Variants in TACC2 observed in about 807,000 individuals in gnomAD.
The protein encoded by TACC2 is transforming acidic coiled-coil-containing protein 2.
Under a neutral mutation model 227.3 loss-of-function variants are expected in TACC2, and 137 were observed. That is an observed-to-expected ratio of 0.60 (90% CI 0.52 to 0.69). The LOEUF (loss-of-function observed/expected upper bound fraction) is 0.69. TACC2 is among the 30% of genes least tolerant of loss of function. TACC2 has a pLI of 0.00. For missense variants in TACC2, 3,470 were observed against 3,694.4 expected, an observed-to-expected ratio of 0.94 and a Z score of 1.57; for synonymous variants, 1,523 against 1,487.5, an observed-to-expected ratio of 1.02 and a Z score of -0.55.
chr10:122,075,991 G>C (rs1338213530), intron 3 of TACC2, among the ~76,000 whole-genome samples: 1 of 151,948 alleles, frequency 6.6e-6, no homozygotes, highest in African/African-American at 2.4e-5. Context: ...GTAGAGACAG[G>C]GTTTCACCAT....
intron 3 of TACC2, among the ~76,000 whole-genome samples, chr10:122,080,215 T>G (rs1399543454): frequency 2.0e-4 from 3 of 15,344 alleles, no homozygotes; most frequent in African/African-American, 5.1e-4. Context: ...CCTTTCCTTT[T>G]TTTTTTTTTG....
At position 122,216,728 on chromosome 10, in the gene TACC2, G is replaced by A. The variant is rs767565546; in HGVS notation, c.7446G>A (p.Thr2482=). 12 of 1,614,022 alleles carry A rather than the reference G, an allele frequency of 7.4e-6. No individual in the cohort carries two copies. Among genetic ancestry groups the A allele is most frequent in the South Asian group, 5.5e-5 (5 of 91,072 alleles). ...EKLAVTNQKW[T]CMTVDLEADK... ...TGGCGGTCACCAACCAGAAGTGGAC[G>A]TGCATGACAGTGGACCTAGAGGCTG... Residue 2482 remains threonine, a synonymous_variant, in exon 11 of 23, where the codon ACG becomes ACA. Coordinates refer to ENST00000369005, the MANE Select transcript of TACC2 (RefSeq NM_206862.4).
chr10:122,197,874 C>A (rs1437893664), intron 8 of TACC2, among the ~76,000 whole-genome samples: 5 of 152,194 alleles, frequency 3.3e-5, no homozygotes, highest in Admixed American at 3.3e-4. Context: ...ATTCTGTAGA[C>A]CAGCATGGGG....
At chr10:122,200,016 G>A (rs1369546640) in intron 8 of TACC2, among the ~76,000 whole-genome samples, 3 of 152,212 alleles carry the variant, frequency 2.0e-5, no homozygotes, top group Admixed American at 6.5e-5. Flanking sequence ...TAGGAATTTC[G>A]GGGACACACA....
intron 8 of TACC2, among the ~76,000 whole-genome samples, chr10:122,201,513 A>G (rs1007903148): frequency 3.3e-5 from 5 of 152,220 alleles, no homozygotes; most frequent in African/African-American, 1.2e-4. Context: ...CTGTGTTCAT[A>G]TGGGGAGGAC....
chr10:122,203,965 G>A (rs1321510259), intron 8 of TACC2, among the ~76,000 whole-genome samples: 2 of 151,696 alleles, frequency 1.3e-5, no homozygotes, highest in East Asian at 2.0e-4. Context: ...AGACCAGCCC[G>A]GCCAACACAG....
chr10:122,210,409 A>T lies in TACC2; in HGVS notation c.5984A>T (p.Glu1995Val). ...TGTGTTTCCCCAGGATGTGGTTCTG[A>T]GACAGTCCCTGTCCCTGATGGCCCA... The part of the protein sequence containing the change: ...PPPEEPGCGS[E>V]TVPVPDGPRS... Residue 1995 changes from glutamate to valine, a missense_variant, in exon 9 of 23, where the codon GAG becomes GTG. Coordinates refer to ENST00000369005, the MANE Select transcript of TACC2 (RefSeq NM_206862.4). This position sits in a 1 kb window ranked among gnomAD's most constrained non-coding sequence, Gnocchi z 4.6. The T allele has an allele frequency of 6.2e-7, 1 of 1,613,758 alleles. No individual in the cohort carries two copies. The highest frequency in any genetic ancestry group is 8.5e-7 in the Non-Finnish European group (1 of 1,179,800).
At chr10:122,243,274 T>C (rs1022601089) in intron 19 of TACC2, among the ~76,000 whole-genome samples, 27 of 152,162 alleles carry the variant, frequency 1.8e-4, no homozygotes, top group African/African-American at 4.8e-4. Context: ...TCTAAGGATA[T>C]ATGGAGTAAA....
chr10:122,098,069 G>A (rs796829668), intron 5 of TACC2, among the ~76,000 whole-genome samples: 2 of 152,294 alleles, frequency 1.3e-5, no homozygotes, highest in African/African-American at 4.8e-5. Context: ...TGTGGGGCAG[G>A]TGAGTGACAG....
chr10:122,038,803 G>C (rs543334693), intron 2 of TACC2, among the ~76,000 whole-genome samples: 1 of 151,548 alleles, frequency 6.6e-6, no homozygotes, highest in Non-Finnish European at 1.5e-5. Flanking sequence ...AAGAAGGAGA[G>C]AGAAAAGAAA....
intron 5 of TACC2, among the ~76,000 whole-genome samples, chr10:122,122,610 C>T (rs1007782212): frequency 6.6e-6 from 1 of 151,618 alleles, no homozygotes; most frequent in Non-Finnish European, 1.5e-5. Context: ...AAGCTGCTTT[C>T]CCCGGGGTCC....
At position 122,109,453 on chromosome 10, in the gene TACC2, C is replaced by T. The variant is rs557234216; in HGVS notation, c.5573+20862C>T. 3.3e-5 allele frequency among the ~76,000 whole-genome samples: 5 copies of T among 152,234 alleles called. No individual in the cohort carries two copies. The South Asian group carries it at 6.2e-4, about 19-fold the overall frequency. On this transcript the variant is annotated intron_variant, in intron 5 of 22. Coordinates refer to ENST00000369005, the MANE Select transcript of TACC2 (RefSeq NM_206862.4). ...CCAGGAATTTGCATTTTAACATTAA[C>T]CCGGTGAGTCTTATTGGCACTGAGT... is the stretch of plus-strand genomic sequence containing the variant.
In TACC2 at chr10:122,088,502, C is replaced by T. The variant is rs376075858; in HGVS notation, c.5484C>T (p.Ser1828=). ...GAGAGAGCCCCAGGCCTGGCCCATC[C>T]ATGTTACCTTCGGTTCCTAAGAAGG... is the stretch of plus-strand genomic sequence containing the variant. ...TDRESPRPGP[S]MLPSVPKKDA... The change falls in exon 5 of 23, where the codon TCC becomes TCT. Residue 1828 remains serine (S), a synonymous_variant. Coordinates refer to ENST00000369005, the MANE Select transcript of TACC2 (RefSeq NM_206862.4). 3 of 1,613,324 alleles carry T rather than the reference C, an allele frequency of 1.9e-6. No homozygotes were observed. In the African/African-American group the frequency reaches 4.0e-5, roughly 22 times the overall value.
chr10:122,249,221 T>C lies in TACC2; in HGVS notation c.8660+65T>C. 4 of 1,234,488 alleles carry C rather than the reference T, an allele frequency of 3.2e-6. No individual in the cohort carries two copies. In the South Asian group the frequency reaches 5.1e-5, roughly 16 times the overall value. 76.5% of individuals were successfully genotyped at this position (1,234,488 alleles called of 1,614,324 possible). On this transcript the variant is annotated intron_variant, in intron 21 of 22. Coordinates refer to ENST00000369005, the MANE Select transcript of TACC2 (RefSeq NM_206862.4). ...CAGCAGCCCTTTTACCCAGGCAGGC[T>C]GGGACCTCTGGCAGCGCCTGTGACA...
chr10:122,101,723 C>CTTTTT lies in TACC2; in HGVS notation c.5573+13150_5573+13154dup, dbSNP rs1179126977. Among the ~76,000 whole-genome samples the CTTTTT allele has an allele frequency of 4.1e-4, 23 of 55,734 alleles. 1 individual carries two copies. Among genetic ancestry groups the CTTTTT allele is most frequent in the East Asian group, 1.3e-3 (2 of 1,534 alleles). 36.6% of individuals were successfully genotyped at this position (55,734 alleles called of 152,430 possible). On this transcript the variant is annotated intron_variant, in intron 5 of 22. Transcript: ENST00000369005. ...TACAGGTGCCTGCCACCATGCCCAG[C>CTTTTT]TTTTTTTTTTTTTTTTTTTTTTGTA...
At chr10:122,245,849 C>A (rs946854377) in intron 19 of TACC2, among the ~76,000 whole-genome samples, 1 of 152,246 alleles carries the variant, frequency 6.6e-6, no homozygotes, top group Middle Eastern at 3.4e-3. Flanking sequence ...CTATTTTAGA[C>A]AAGGAGGCTG....
rs555908192 is a variant in TACC2 at position 122,221,720 on chromosome 10, A to G, written c.7547-3006A>G. 1.3e-4 allele frequency among the ~76,000 whole-genome samples: 20 copies of G among 152,290 alleles called. No individual in the cohort carries two copies. The East Asian group carries it at 3.7e-3, about 28-fold the overall frequency. On this transcript the variant is annotated intron_variant, in intron 11 of 22. Coordinates refer to ENST00000369005, the MANE Select transcript of TACC2 (RefSeq NM_206862.4). ...AATATATCTGATCATGCTCCTTTACATTTGTGTTACCCATCGAAGGGTTTT... is the reference window on the plus strand; with the variant it reads ...AATATATCTGATCATGCTCCTTTACGTTTGTGTTACCCATCGAAGGGTTTT...
chr10:122,248,218 A>C (rs2096171708), intron 19 of TACC2: 1 of 168,528 alleles, frequency 5.9e-6, no homozygotes, highest in African/African-American at 2.4e-5. Context: ...GATACATAGG[A>C]GGGCCCATCC....
chr10:122,181,825 T>G (rs899676697), intron 7 of TACC2, among the ~76,000 whole-genome samples: 6 of 152,242 alleles, frequency 3.9e-5, no homozygotes, highest in African/African-American at 1.4e-4. Flanking sequence ...TTTCAAGGCA[T>G]TGAACAATAC....
Sources: allele counts gnomAD v4.1 joint callset (sites outside exome capture counted in the v4.1 genomes callset), GRCh38; gene constraint gnomAD v4.1.1; non-coding constraint Gnocchi (gnomAD v3.1); transcripts MANE v1.5; gene names NCBI Gene and HGNC (gene_info 2026-07-23, HGNC 2026-07-21).